The following ARHGAP15 variants were observed in gnomAD, a reference collection of about 807,000 sequenced individuals.
The protein encoded by ARHGAP15 is rho GTPase-activating protein 15.
Under a neutral mutation model 63.7 loss-of-function variants are expected in ARHGAP15, and 51 were observed. The ratio of observed to expected loss-of-function variants is 0.80; its 90% CI spans 0.64 to 1.01. The LOEUF (loss-of-function observed/expected upper bound fraction) is 1.01, where lower values mean the gene tolerates loss of function less well. ARHGAP15 is among the 50% of genes least tolerant of loss of function. ARHGAP15 has a pLI of 0.00. For synonymous variants in ARHGAP15, 191 were observed against 193.8 expected, an observed-to-expected ratio of 0.99 and a Z score of 0.12; for missense variants, 560 against 564.6, an observed-to-expected ratio of 0.99 and a Z score of 0.08.
intron 13 of ARHGAP15, among the ~76,000 whole-genome samples, chr2:143,752,179 C>T (rs1195853520): frequency 6.6e-6 from 1 of 152,122 alleles, no homozygotes; most frequent in Non-Finnish European, 1.5e-5. Context: ...ACCAGCTGGC[C>T]TCTATTACCA....
intron 11 of ARHGAP15, among the ~76,000 whole-genome samples, chr2:143,566,074 A>T (rs1327637836): frequency 6.7e-6 from 1 of 149,730 alleles, no homozygotes; most frequent in Non-Finnish European, 1.5e-5. Context: ...AAGGAAAGTA[A>T]CAGTTGCAGA....
At chr2:143,271,219 C>G (rs185524592) in intron 6 of ARHGAP15, among the ~76,000 whole-genome samples, 1 of 152,162 alleles carries the variant, frequency 6.6e-6, no homozygotes, top group South Asian at 2.1e-4. Flanking sequence ...CTTTCTTCAG[C>G]CATATGTGCA....
chr2:143,468,349 A>G (rs183529633), intron 8 of ARHGAP15, among the ~76,000 whole-genome samples: 425 of 152,196 alleles, frequency 2.8e-3, no homozygotes, highest in African/African-American at 9.8e-3. Flanking sequence ...TTCAATAAGA[A>G]CAAAATCATT....
chr2:143,646,563 T>C (rs1680889467), intron 12 of ARHGAP15, among the ~76,000 whole-genome samples: 2 of 151,984 alleles, frequency 1.3e-5, no homozygotes, highest in South Asian at 4.1e-4. Flanking sequence ...TAGAGAACGG[T>C]TTGTGTTTCC....
intron 11 of ARHGAP15, among the ~76,000 whole-genome samples, chr2:143,594,493 A>T (rs1336480249): frequency 6.6e-6 from 1 of 152,160 alleles, no homozygotes; most frequent in African/African-American, 2.4e-5. Flanking sequence ...ATAGTATCCC[A>T]GTTTGGAATA....
At chr2:143,532,075 T>A (rs1694545269) in intron 10 of ARHGAP15, among the ~76,000 whole-genome samples, 1 of 152,206 alleles carries the variant, frequency 6.6e-6, no homozygotes, top group South Asian at 2.1e-4. Context: ...CAGGACAAGG[T>A]CACCAAAGAT....
intron 1 of ARHGAP15, among the ~76,000 whole-genome samples, chr2:143,153,843 TTCCTCCTCCTCCTCCTCCTCCTCC>T (rs796483071): frequency 3.5e-5 from 3 of 86,892 alleles, no homozygotes; most frequent in Middle Eastern, 0.013. Context: ...CTTCTTCTTC[TTCCTCCTCCTCCTCCTCCTCCTCC>T]TCCTCTTCCT....
At chr2:143,567,041 AATTTTTTGT>A (rs1696257409) in intron 11 of ARHGAP15, among the ~76,000 whole-genome samples, 1 of 151,842 alleles carries the variant, frequency 6.6e-6, no homozygotes, top group African/African-American at 2.4e-5. Flanking sequence ...ACGCCTGGCT[AATTTTTTGT>A]ATTTTTAGTA....
intron 12 of ARHGAP15, among the ~76,000 whole-genome samples, chr2:143,694,038 A>C (rs1440998426): frequency 1.3e-5 from 2 of 152,228 alleles, no homozygotes; most frequent in Non-Finnish European, 2.9e-5. Flanking sequence ...TTTCAACTTC[A>C]ATTTCTAAAG....
At position 143,731,959 on chromosome 2, in the gene ARHGAP15, G is replaced by T. The variant is rs555784133; in HGVS notation, c.1244+28435G>T. Among the ~76,000 whole-genome samples, 3 of 152,274 alleles carry T rather than the reference G, an allele frequency of 2.0e-5. No homozygotes were observed. In the East Asian group the frequency reaches 5.8e-4, roughly 29 times the overall value. ...AAGTGATGGGGTCAGTATTTAAAATGCAAGTATGTCTGAATCCAGAGCCCC... is the reference window on the plus strand; with the variant it reads ...AAGTGATGGGGTCAGTATTTAAAATTCAAGTATGTCTGAATCCAGAGCCCC... On this transcript the variant is annotated intron_variant, in intron 13 of 13. Coordinates refer to ENST00000295095, the MANE Select transcript of ARHGAP15 (RefSeq NM_018460.4).
chr2:143,671,663 G>T (rs1412902405), intron 12 of ARHGAP15, among the ~76,000 whole-genome samples: 1 of 152,150 alleles, frequency 6.6e-6, no homozygotes, highest in Non-Finnish European at 1.5e-5. Context: ...CATGAAAAAT[G>T]ACCTACAGCT....
At chr2:143,648,596 C>T (rs1681009358) in intron 12 of ARHGAP15, 1 of 151,986 alleles carries the variant, frequency 6.6e-6, no homozygotes, top group Admixed American at 6.6e-5. Flanking sequence ...CCCCACACCT[C>T]CTCCTCACGC....
At chr2:143,160,677 GA>G (rs776655735) in intron 2 of ARHGAP15, among the ~76,000 whole-genome samples, 3 of 151,942 alleles carry the variant, frequency 2.0e-5, no homozygotes, top group Non-Finnish European at 4.4e-5. Flanking sequence ...TAGAACAGAT[GA>G]AAAAGTTTGT....
At chr2:143,481,619 C>T (rs1692083956) in intron 8 of ARHGAP15, among the ~76,000 whole-genome samples, 1 of 152,012 alleles carries the variant, frequency 6.6e-6, no homozygotes, top group Non-Finnish European at 1.5e-5. Context: ...AGTAGATATT[C>T]GTCGTCCATC....
At chr2:143,427,742 T>A (rs927839226) in intron 6 of ARHGAP15, among the ~76,000 whole-genome samples, 1 of 152,110 alleles carries the variant, frequency 6.6e-6, no homozygotes, top group African/African-American at 2.4e-5. Context: ...AGACTGCCAT[T>A]ATCAATCTTC....
chr2:143,138,589 C>T (rs944024510), intron 1 of ARHGAP15, among the ~76,000 whole-genome samples: 2 of 152,062 alleles, frequency 1.3e-5, no homozygotes, highest in Admixed American at 1.3e-4. Flanking sequence ...CGTTCTTTTG[C>T]CTTGGTTTTT....
chr2:143,532,950 G>A (rs1033658574), intron 10 of ARHGAP15, among the ~76,000 whole-genome samples: 3 of 152,132 alleles, frequency 2.0e-5, no homozygotes, highest in Non-Finnish European at 2.9e-5. Context: ...ACAAAAACAG[G>A]TCACAGTGCT....
At chr2:143,372,109 G>T (rs987284054) in intron 6 of ARHGAP15, among the ~76,000 whole-genome samples, 1 of 151,854 alleles carries the variant, frequency 6.6e-6, no homozygotes, top group Non-Finnish European at 1.5e-5. Context: ...GGAGGCTGAG[G>T]CAGGAGGATC....
In ARHGAP15 at chr2:143,631,245, T is replaced by C. The variant is rs540137370; in HGVS notation, c.1138+6978T>C. Among the ~76,000 whole-genome samples, 3 of 152,262 alleles carry C rather than the reference T, an allele frequency of 2.0e-5. No homozygotes were observed. In the East Asian group the frequency reaches 5.8e-4, roughly 29 times the overall value. The stretch of plus-strand genomic sequence containing the variant: ...TTATGGATATTTGGGTTGTTTCTAG[T>C]CTTTGATTGTTACAAATGAAGCATT... On this transcript the variant is annotated intron_variant, in intron 12 of 13. Transcript: ENST00000295095.
Sources: gnomAD v4.1 joint callset for allele counts (sites outside exome capture counted in the v4.1 genomes callset) on GRCh38, gnomAD v4.1.1 for gene constraint, MANE v1.5 for transcripts, NCBI Gene and HGNC (gene_info 2026-07-23, HGNC 2026-07-21) for gene names.